The following RABGAP1L variants were observed in gnomAD, a reference collection of about 807,000 sequenced individuals.
The protein encoded by RABGAP1L is RAB GTPase activating protein 1 like.
A neutral mutation model predicts 137.7 loss-of-function variants in RABGAP1L; 63 were observed. The observed-to-expected ratio is 0.46, with a 90% confidence interval of 0.37 to 0.56. The LOEUF (loss-of-function observed/expected upper bound fraction) is 0.56. RABGAP1L is among the 20% of genes least tolerant of loss of function. RABGAP1L has a pLI of 0.00. For missense variants in RABGAP1L, 1,095 were observed against 1,244.0 expected, an observed-to-expected ratio of 0.88 and a Z score of 1.80; for synonymous variants, 431 against 433.7, an observed-to-expected ratio of 0.99 and a Z score of 0.08.
At chr1:174,208,598 T>C (rs1190945211) in intron 1 of RABGAP1L, among the ~76,000 whole-genome samples, 1 of 152,216 alleles carries the variant, frequency 6.6e-6, no homozygotes, top group South Asian at 2.1e-4. Flanking sequence ...GGTTTTTGAA[T>C]GTTGAGCCAG....
At chr1:174,241,087 A>G (rs1345869616) in intron 4 of RABGAP1L, among the ~76,000 whole-genome samples, 2 of 152,102 alleles carry the variant, frequency 1.3e-5, no homozygotes, top group Non-Finnish European at 2.9e-5. Flanking sequence ...TTGGGAGGCC[A>G]ACGCGGGGGG....
chr1:174,284,173 A>G (rs748898807), intron 10 of RABGAP1L, among the ~76,000 whole-genome samples: 5 of 152,228 alleles, frequency 3.3e-5, no homozygotes, highest in Admixed American at 6.5e-5. Flanking sequence ...ACAATACAAT[A>G]TTGTTAACTA....
chr1:174,517,914 T>A (rs551273832), intron 13 of RABGAP1L, among the ~76,000 whole-genome samples: 66 of 152,332 alleles, frequency 4.3e-4, no homozygotes, highest in Admixed American at 1.6e-3. Context: ...AGTTTCTTTT[T>A]AATGTTTTTA....
chr1:174,397,587 C>T (rs1288424366), intron 13 of RABGAP1L, among the ~76,000 whole-genome samples: 2 of 152,174 alleles, frequency 1.3e-5, no homozygotes, highest in African/African-American at 4.8e-5. Flanking sequence ...GACCTTCATT[C>T]CTGCATTACA....
rs1034952419 is a variant in RABGAP1L at position 174,812,934 on chromosome 1, G to A, written c.2340+974G>A. On this transcript the variant is annotated intron_variant, in intron 19 of 25. Coordinates refer to ENST00000681986, the MANE Select transcript of RABGAP1L (RefSeq NM_001366446.1). ...GGTCCAGAGACTGCCTCATGCCTGGGTGGGCTTGAGAAACAGGAAGGCCAG... is the reference window on the plus strand; with the variant it reads ...GGTCCAGAGACTGCCTCATGCCTGGATGGGCTTGAGAAACAGGAAGGCCAG... Among the ~76,000 whole-genome samples, 4 of 152,208 alleles carry A rather than the reference G, an allele frequency of 2.6e-5. No homozygotes were observed. In the East Asian group the frequency reaches 7.7e-4, roughly 29 times the overall value.
intron 13 of RABGAP1L, among the ~76,000 whole-genome samples, chr1:174,422,389 C>G (rs2149168535): frequency 6.6e-6 from 1 of 151,634 alleles, no homozygotes; most frequent in East Asian, 1.9e-4. Context: ...TTTTTTTAAA[C>G]ATTCGACCAA....
rs192256380 is a variant in RABGAP1L at position 174,385,078 on chromosome 1, C to A, written c.1560-8917C>A. Among the ~76,000 whole-genome samples the A allele has an allele frequency of 7.2e-5, 11 of 152,184 alleles. No individual in the cohort carries two copies. The East Asian group carries it at 2.1e-3, about 29-fold the overall frequency. ...CATTTTAAAAACATCATTCTGACTG[C>A]CCAGTGAAAAATGGATTATAAGGGA... On this transcript the variant is annotated intron_variant, in intron 12 of 25. Coordinates refer to ENST00000681986, the MANE Select transcript of RABGAP1L (RefSeq NM_001366446.1).
chr1:174,390,319 C>T (rs1687120231), intron 12 of RABGAP1L, among the ~76,000 whole-genome samples: 1 of 152,068 alleles, frequency 6.6e-6, no homozygotes, highest in African/African-American at 2.4e-5. Context: ...AAACAAGTGG[C>T]TGAGGGTCAG....
chr1:174,712,991 A>G (rs1049111264), intron 17 of RABGAP1L, among the ~76,000 whole-genome samples: 3 of 152,144 alleles, frequency 2.0e-5, no homozygotes, highest in African/African-American at 7.2e-5. Context: ...GGGAAATGCA[A>G]TATTTGGGGA....
Position 174,236,510 on chromosome 1 carries a change from C to T in RABGAP1L, c.543-4973C>T, listed in dbSNP as rs1671181313. On this transcript the variant is annotated intron_variant, in intron 4 of 25. Transcript: ENST00000681986. Reference sequence around the variant, plus strand: ...TTTCAAAGAACATCTTTATTTCTGCCTTCATTTCGTTATGTACCCAGTAGT... The same window carrying T: ...TTTCAAAGAACATCTTTATTTCTGCTTTCATTTCGTTATGTACCCAGTAGT... 2.0e-5 allele frequency among the ~76,000 whole-genome samples: 3 copies of T among 148,794 alleles called. No homozygotes were observed. The South Asian group carries it at 6.5e-4, about 32-fold the overall frequency.
At chr1:174,400,074 G>A (rs1457971891) in intron 13 of RABGAP1L, among the ~76,000 whole-genome samples, 2 of 152,194 alleles carry the variant, frequency 1.3e-5, no homozygotes, top group Non-Finnish European at 2.9e-5. Flanking sequence ...CATTCTTTCA[G>A]GGGTGGCAAA....
chr1:174,383,360 T>C (rs1686382349), intron 12 of RABGAP1L, among the ~76,000 whole-genome samples: 1 of 151,750 alleles, frequency 6.6e-6, no homozygotes, highest in Non-Finnish European at 1.5e-5. Context: ...TAAGCAAGCC[T>C]GGGCAATGGC....
intron 13 of RABGAP1L, among the ~76,000 whole-genome samples, chr1:174,503,990 T>C (rs1661583363): frequency 6.6e-6 from 1 of 151,730 alleles, no homozygotes; most frequent in Non-Finnish European, 1.5e-5. Context: ...TTTTTTTTTT[T>C]GTGACAAGGT....
At chr1:174,337,383 A>G (rs1681579837) in intron 11 of RABGAP1L, among the ~76,000 whole-genome samples, 2 of 152,088 alleles carry the variant, frequency 1.3e-5, no homozygotes, top group Non-Finnish European at 2.9e-5. Context: ...TGAAAACAAG[A>G]ATTACATGTG....
chr1:174,856,289 G>A (rs1420374373), intron 19 of RABGAP1L, among the ~76,000 whole-genome samples: 2 of 151,772 alleles, frequency 1.3e-5, no homozygotes, highest in Non-Finnish European at 2.9e-5. Flanking sequence ...CCAGCTACTC[G>A]GGAGGCTGAG....
In RABGAP1L at chr1:174,992,768, T is replaced by C. The variant is rs879597314; in HGVS notation, c.*2767T>C. ...TGTCTATTGTTGGAAAACTCATGCA[T>C]CCCAGCATGAAGTAACTCCTAGTTT... On this transcript the variant is annotated 3_prime_UTR_variant, in exon 26 of 26. Coordinates refer to ENST00000681986, the MANE Select transcript of RABGAP1L (RefSeq NM_001366446.1). 13 of 152,194 alleles carry C rather than the reference T, an allele frequency of 8.5e-5. No homozygotes were observed. Among genetic ancestry groups the C allele is most frequent in the Non-Finnish European group, 1.8e-4 (12 of 68,032 alleles). The allele number at this position is 152,194 out of a possible 1,614,324, so 9.4% of individuals were successfully genotyped here.
chr1:174,486,912 T>C (rs1572017136), intron 13 of RABGAP1L, among the ~76,000 whole-genome samples: 1 of 152,324 alleles, frequency 6.6e-6, no homozygotes, highest in East Asian at 1.9e-4. Flanking sequence ...AAACATATTG[T>C]TTAATTTCAT....
At chr1:174,614,473 G>C (rs1671593675) in intron 13 of RABGAP1L, among the ~76,000 whole-genome samples, 1 of 152,142 alleles carries the variant, frequency 6.6e-6, no homozygotes, top group Non-Finnish European at 1.5e-5. Context: ...GCTTCCCTTT[G>C]TGGGTAACCC....
At chr1:174,937,637 T>TATATA (rs1302676014) in intron 19 of RABGAP1L, among the ~76,000 whole-genome samples, 3 of 138,436 alleles carry the variant, frequency 2.2e-5, no homozygotes, top group Non-Finnish European at 4.6e-5. Context: ...TATATATATC[T>TATATA]TGCAGTTAGA....
Sources: gnomAD v4.1 joint callset for allele counts (sites outside exome capture counted in the v4.1 genomes callset) on GRCh38, gnomAD v4.1.1 for gene constraint, MANE v1.5 for transcripts, NCBI Gene and HGNC (gene_info 2026-07-23, HGNC 2026-07-21) for gene names.